The following UBA2 variants were observed in gnomAD, a reference collection of about 807,000 sequenced individuals.
UBA2 encodes the protein ubiquitin like modifier activating enzyme 2.
A neutral mutation model predicts 77.2 loss-of-function variants in UBA2; 11 were observed. The ratio of observed to expected loss-of-function variants is 0.14; its 90% CI spans 0.09 to 0.24. The LOEUF is 0.24. Ranked by LOEUF, UBA2 falls within the 10% of genes least tolerant of loss-of-function variation. The pLI, the probability that UBA2 is intolerant of heterozygous loss-of-function variation, is 1.00. For missense variants in UBA2, 487 were observed against 781.7 expected (o/e 0.62, Z 4.50); for synonymous variants, 278 against 276.7 (o/e 1.00, Z -0.05).
At chr19:34,447,474 C>T (rs1417365799) in intron 8 of UBA2, among the ~76,000 whole-genome samples, 4 of 152,196 alleles carry the variant, frequency 2.6e-5, no homozygotes, top group Non-Finnish European at 4.4e-5. Context: ...ACAGCAGTAT[C>T]TTCCAAACCA....
In UBA2 at chr19:34,455,948, T is replaced by C. The variant is rs554660807; in HGVS notation, c.1245+1392T>C. ...CAGGCATGAGCCACTGCGCCCGGCC[T>C]TTTTTTTTTAAACTGATGGGGTCTT... On this transcript the variant is annotated intron_variant, in intron 12 of 16. Transcript: ENST00000246548. Among the ~76,000 whole-genome samples, 47 of 130,322 alleles carry C rather than the reference T, an allele frequency of 3.6e-4. No homozygotes were observed. The East Asian group carries it at 9.2e-3, about 25-fold the overall frequency. The allele number at this position is 130,322 out of a possible 152,430, so 85.5% of individuals were successfully genotyped here. A position where few individuals can be genotyped will look rare whatever the true frequency, so the allele number is the denominator to read the frequency against.
At chr19:34,446,108 G>T (rs2075427525) in intron 8 of UBA2, among the ~76,000 whole-genome samples, 1 of 151,992 alleles carries the variant, frequency 6.6e-6, no homozygotes, top group Non-Finnish European at 1.5e-5. Context: ...CAAACTCCTG[G>T]GTTCAAGCGA....
intron 16 of UBA2, among the ~76,000 whole-genome samples, chr19:34,467,948 C>T (rs1398596777): frequency 6.6e-6 from 1 of 152,124 alleles, no homozygotes; most frequent in Non-Finnish European, 1.5e-5. Context: ...AGCAATAAAT[C>T]CATGCATCTG....
At chr19:34,455,127 G>T (rs904053249) in intron 12 of UBA2, among the ~76,000 whole-genome samples, 9 of 152,072 alleles carry the variant, frequency 5.9e-5, no homozygotes, top group African/African-American at 2.2e-4. Flanking sequence ...AGCATTTGTG[G>T]TTATTATATT....
chr19:34,437,347 C>T (rs1015563474), intron 5 of UBA2, among the ~76,000 whole-genome samples: 3 of 150,398 alleles, frequency 2.0e-5, no homozygotes, highest in East Asian at 4.0e-4. Flanking sequence ...TGGTGGCTTA[C>T]GCCTGTAATC....
intron 8 of UBA2, among the ~76,000 whole-genome samples, chr19:34,450,055 C>G (rs1319446901): frequency 6.6e-6 from 1 of 152,170 alleles, no homozygotes; most frequent in Non-Finnish European, 1.5e-5. Context: ...TTCCTCAGAG[C>G]ACTTCTGCAT....
intron 15 of UBA2, among the ~76,000 whole-genome samples, chr19:34,464,811 T>C (rs2075670631): frequency 1.3e-5 from 2 of 152,134 alleles, no homozygotes; most frequent in South Asian, 4.1e-4. Flanking sequence ...AAAAGAATAT[T>C]GGGAATTGTC....
chr19:34,438,232 AAAAAC>A (rs1225041867), intron 5 of UBA2, among the ~76,000 whole-genome samples: 4 of 152,002 alleles, frequency 2.6e-5, no homozygotes, highest in East Asian at 1.9e-4. Flanking sequence ...AAAAAAAAAA[AAAAAC>A]ACATATAAGA....
chr19:34,433,263 GT>G (rs1260103538), intron 3 of UBA2, 84 bp from the exon 4 acceptor site: 10 of 962,124 alleles, frequency 1.0e-5, no homozygotes, highest in African/African-American at 1.6e-5. Context: ...CAGTTACTAT[GT>G]TTTTTTCAGA....
intron 12 of UBA2, among the ~76,000 whole-genome samples, chr19:34,456,807 C>A (rs1434107804): frequency 6.6e-6 from 1 of 152,174 alleles, no homozygotes; most frequent in Non-Finnish European, 1.5e-5. Flanking sequence ...ATCTGCCCAC[C>A]TTGGCCTCCC....
At chr19:34,452,366 G>T (rs1239661333) in intron 10 of UBA2, among the ~76,000 whole-genome samples, 2 of 152,190 alleles carry the variant, frequency 1.3e-5, no homozygotes, top group Non-Finnish European at 2.9e-5. Flanking sequence ...TTCTAGTGAT[G>T]TGTTCAGGGT....
At chr19:34,434,007 A>T (rs773980206) in intron 4 of UBA2, among the ~76,000 whole-genome samples, 1 of 151,988 alleles carries the variant, frequency 6.6e-6, no homozygotes, top group African/African-American at 2.4e-5. Context: ...TGCTTGAGTG[A>T]TATTCTTTGT....
At chr19:34,436,729 AAG>A (rs3976812) in intron 5 of UBA2, among the ~76,000 whole-genome samples, 64,494 of 152,036 alleles carry the variant, frequency 0.42, 16,628 homozygotes, top group Non-Finnish European at 0.58. Context: ...AAACTATAGA[AAG>A]AGAATTATAA....
chr19:34,462,200 A>C (rs1282565731), intron 14 of UBA2, among the ~76,000 whole-genome samples: 2 of 152,262 alleles, frequency 1.3e-5, no homozygotes, highest in East Asian at 1.9e-4. Context: ...TAAACAGGGG[A>C]GTAGCAGGGA....
chr19:34,431,312 A>ATGC (rs2075252850), intron 2 of UBA2, among the ~76,000 whole-genome samples: 1 of 119,204 alleles, frequency 8.4e-6, no homozygotes, highest in African/African-American at 3.3e-5. Flanking sequence ...GAGTGGAGTG[A>ATGC]TGCGGTCATG....
At chr19:34,450,084 G>C (rs540666583) in intron 8 of UBA2, among the ~76,000 whole-genome samples, 181 bp from the exon 9 acceptor site, 1 of 152,300 alleles carries the variant, frequency 6.6e-6, no homozygotes, top group Non-Finnish European at 1.5e-5. Context: ...TTTCAATGTA[G>C]AGATTCTGTT....
chr19:34,443,681 C>A (rs774986076), intron 6 of UBA2, among the ~76,000 whole-genome samples, 163 bp from the exon 7 acceptor site: 2 of 152,056 alleles, frequency 1.3e-5, no homozygotes, highest in Non-Finnish European at 2.9e-5. Context: ...ACTTTGTGAT[C>A]TGCCTGCCTC....
chr19:34,460,684 T>A (rs1444797177), intron 14 of UBA2, 118 bp downstream of exon 14: 11 of 696,940 alleles, frequency 1.6e-5, no homozygotes, highest in Non-Finnish European at 2.5e-5. Context: ...CAGTGTTTGG[T>A]CATGAAGGTG....
Position 34,445,053 on chromosome 19 carries a change from A to G in UBA2, c.703A>G (p.Ile235Val), listed in dbSNP as rs776883509. 3 of 1,614,022 alleles carry G rather than the reference A, an allele frequency of 1.9e-6. No individual in the cohort carries two copies. The highest frequency in any genetic ancestry group is 2.5e-6 in the Non-Finnish European group (3 of 1,179,924). The change falls in exon 8 of 17, where the codon ATT (isoleucine) becomes GTT (valine). Residue 235 changes from isoleucine to valine, a missense_variant. Physicochemically the swap from Ile to Val is conservative, Grantham distance 29. This residue lies in a region of UBA2 where 300 missense variants were observed against 454.3 expected (regional missense o/e 0.66). Coordinates refer to ENST00000246548, the MANE Select transcript of UBA2 (RefSeq NM_005499.3). ...RARASNEDGD[I>V]KRISTKEWAK... ...TAGAGCATCTAATGAAGATGGTGAC[A>G]TTAAACGTATTTCTACTAAGGAATG...
Sources: allele counts gnomAD v4.1 joint callset (sites outside exome capture counted in the v4.1 genomes callset), GRCh38; gene constraint gnomAD v4.1.1; regional missense constraint gnomAD v4.1.1; transcripts MANE v1.5; gene names NCBI Gene and HGNC (gene_info 2026-07-23, HGNC 2026-07-21).